Variants in CALN1 observed in about 807,000 individuals in gnomAD.
The protein encoded by CALN1 is calneuron 1, also known as calcium-binding protein 8.
In CALN1, 17 loss-of-function variants were observed where a neutral mutation model predicts 30.6. That is an observed-to-expected ratio of 0.56 (90% CI 0.38 to 0.83). The LOEUF (loss-of-function observed/expected upper bound fraction) is 0.83, where lower values mean the gene tolerates loss of function less well. Ranked by LOEUF, CALN1 falls within the 40% of genes least tolerant of loss-of-function variation. CALN1 has a pLI of 0.00. For synonymous variants in CALN1, 156 were observed against 131.4 expected (o/e 1.19, Z -1.28); for missense variants, 291 against 354.9 (o/e 0.82, Z 1.45).
chr7:71,835,524 C>T (rs560414694), intron 5 of CALN1, among the ~76,000 whole-genome samples: 5 of 152,304 alleles, frequency 3.3e-5, no homozygotes, highest in South Asian at 2.1e-4. Context: ...ATCGAGCACA[C>T]GGCTAAGCTG....
At chr7:72,362,941 C>T (rs1462451313) in intron 2 of CALN1, among the ~76,000 whole-genome samples, 1 of 152,156 alleles carries the variant, frequency 6.6e-6, no homozygotes, top group Non-Finnish European at 1.5e-5. Flanking sequence ...GCACCTGTCC[C>T]GTCACAGGCC....
chr7:72,449,296 A>C (rs572226750), upstream of CALN1, among the ~76,000 whole-genome samples: 41 of 152,324 alleles, frequency 2.7e-4, no homozygotes, highest in African/African-American at 9.6e-4. Context: ...CATGCCCTAA[A>C]AATCTTGAGA....
intron 5 of CALN1, among the ~76,000 whole-genome samples, chr7:71,949,199 T>C (rs534975378): frequency 2.2e-3 from 332 of 151,814 alleles, no homozygotes; most frequent in Non-Finnish European, 3.5e-3. Context: ...GGCAGGAGAA[T>C]AGGGTTTGGA....
At chr7:72,201,397 T>TG (rs564264372) in intron 3 of CALN1, among the ~76,000 whole-genome samples, 2 of 152,032 alleles carry the variant, frequency 1.3e-5, no homozygotes, top group Non-Finnish European at 2.9e-5. Flanking sequence ...AAGACCAGCC[T>TG]GGTCAAAATA....
At chr7:72,166,235 G>A (rs948526495) in intron 3 of CALN1, among the ~76,000 whole-genome samples, 3 of 152,192 alleles carry the variant, frequency 2.0e-5, no homozygotes, top group East Asian at 1.9e-4. Context: ...ACAGGTTCTC[G>A]CTGTTACCCA....
At chr7:71,950,727 T>C (rs2129523983) in intron 5 of CALN1, among the ~76,000 whole-genome samples, 1 of 152,248 alleles carries the variant, frequency 6.6e-6, no homozygotes, top group South Asian at 2.1e-4. Flanking sequence ...GGGAATCACG[T>C]CCATACTCCT....
At chr7:71,815,531 C>CCCACAAAG (rs1336380173) in intron 5 of CALN1, among the ~76,000 whole-genome samples, 1 of 152,156 alleles carries the variant, frequency 6.6e-6, no homozygotes, top group Non-Finnish European at 1.5e-5. Flanking sequence ...CCTCAACCAT[C>CCCACAAAG]CCACAAAGGA....
At chr7:71,865,821 TAAAG>T (rs1324987907) in intron 5 of CALN1, among the ~76,000 whole-genome samples, 4 of 148,618 alleles carry the variant, frequency 2.7e-5, no homozygotes, top group South Asian at 4.2e-4. Context: ...TTAGAGTCAA[TAAAG>T]AGTTTAAAGT....
intron 5 of CALN1, among the ~76,000 whole-genome samples, chr7:71,961,512 G>A (rs1447352876): frequency 3.3e-5 from 5 of 152,146 alleles, no homozygotes; most frequent in South Asian, 4.1e-4. Flanking sequence ...AATAGATTAC[G>A]TTCACTTGTG....
chr7:71,981,277 T>C (rs1013217491), intron 5 of CALN1, among the ~76,000 whole-genome samples: 1 of 152,084 alleles, frequency 6.6e-6, no homozygotes, highest in African/African-American at 2.4e-5. Context: ...AGGACTCTAA[T>C]CTTCCCCTGC....
chr7:72,430,086 G>A (rs1481655888), intron 1 of CALN1, among the ~76,000 whole-genome samples: 1 of 151,130 alleles, frequency 6.6e-6, no homozygotes, highest in Non-Finnish European at 1.5e-5. Context: ...CTCCCAAAGT[G>A]CTGGGATTAC....
chr7:72,270,416 A>G lies in CALN1; in HGVS notation c.244+8270T>C, dbSNP rs184378710. The stretch of plus-strand genomic sequence containing the variant: ...CTGTGGATTTGAATTTTTTAAGACT[A>G]AAGAAATATTTTTTAAAATGTATTT... On this transcript the variant is annotated intron_variant, in intron 3 of 6. Coordinates refer to ENST00000395275, the MANE Select transcript of CALN1 (RefSeq NM_031468.4). 3.0e-3 allele frequency among the ~76,000 whole-genome samples: 458 copies of G among 152,254 alleles called. 2 individuals are homozygous for G. Among genetic ancestry groups the G allele is most frequent in the African/African-American group, 9.5e-3 (393 of 41,516 alleles).
intron 3 of CALN1, among the ~76,000 whole-genome samples, chr7:72,241,711 CAAA>C (rs111763941): frequency 7.2e-6 from 1 of 139,304 alleles, no homozygotes; most frequent in Non-Finnish European, 1.6e-5. Flanking sequence ...CATCTCAAAA[CAAA>C]AAAAAAAAGG....
At chr7:72,168,586 T>A (rs1450647835) in intron 3 of CALN1, among the ~76,000 whole-genome samples, 2 of 152,280 alleles carry the variant, frequency 1.3e-5, no homozygotes, top group African/African-American at 4.8e-5. Context: ...TTCCAATATA[T>A]TTTCACAACT....
At chr7:72,274,462 C>T (rs566385882) in intron 3 of CALN1, among the ~76,000 whole-genome samples, 5 of 149,644 alleles carry the variant, frequency 3.3e-5, no homozygotes, top group Non-Finnish European at 4.4e-5. Context: ...GAGCAAAGAT[C>T]GCGCCACTGC....
chr7:72,409,297 CA>C (rs914885398), intron 1 of CALN1, among the ~76,000 whole-genome samples: 25 of 151,996 alleles, frequency 1.6e-4, no homozygotes, highest in African/African-American at 5.8e-4. Flanking sequence ...CCTGGCCCAG[CA>C]TACTCTTAAA....
chr7:72,024,324 C>T (rs1045014007), intron 4 of CALN1, among the ~76,000 whole-genome samples: 3 of 152,210 alleles, frequency 2.0e-5, no homozygotes, highest in African/African-American at 4.8e-5. Context: ...CTCTTACCTT[C>T]GCAGTCTCTT....
intron 3 of CALN1, among the ~76,000 whole-genome samples, chr7:72,274,485 G>T (rs939830863): frequency 2.0e-5 from 3 of 148,698 alleles, no homozygotes; most frequent in African/African-American, 7.4e-5. Context: ...TCCAGCCTCG[G>T]TGAGAGTGAG....
At chr7:72,293,967 G>GCA (rs1798669174) in intron 2 of CALN1, among the ~76,000 whole-genome samples, 1 of 151,954 alleles carries the variant, frequency 6.6e-6, no homozygotes, top group African/African-American at 2.4e-5. Context: ...GCATCATGGT[G>GCA]CACACCTGTA....
Sources: allele counts gnomAD v4.1 joint callset (sites outside exome capture counted in the v4.1 genomes callset), GRCh38; gene constraint gnomAD v4.1.1; transcripts MANE v1.5; gene names NCBI Gene and HGNC (gene_info 2026-07-23, HGNC 2026-07-21).